Variants in CYTH3 observed in about 807,000 individuals in gnomAD.
The protein encoded by CYTH3 is cytohesin-3.
CYTH3 carries 23 observed loss-of-function variants against 55.1 expected under a neutral mutation model. The observed-to-expected ratio is 0.42, with a 90% CI of 0.30 to 0.59. The LOEUF is 0.59. Ranked by LOEUF, CYTH3 falls within the 20% of genes least tolerant of loss-of-function variation. The pLI, the probability that CYTH3 is intolerant of heterozygous loss-of-function variation, is 0.20. For missense variants in CYTH3, 413 were observed against 524.8 expected, an observed-to-expected ratio of 0.79 and a Z score of 2.08; for synonymous variants, 249 against 194.9, an observed-to-expected ratio of 1.28 and a Z score of -2.31.
intron 1 of CYTH3, among the ~76,000 whole-genome samples, chr7:6,219,749 A>G (rs1784511259): frequency 6.6e-6 from 1 of 152,192 alleles, no homozygotes; most frequent in African/African-American, 2.4e-5. Context: ...ACTAGCTTGG[A>G]ATGAAAAAGA....
In CYTH3 at chr7:6,173,431, A is replaced by G. The variant is rs778462555; in HGVS notation, c.449+222T>C. On this transcript the variant is annotated intron_variant, in intron 6 of 12. Coordinates refer to ENST00000350796, the MANE Select transcript of CYTH3 (RefSeq NM_004227.4). ...GAATGGAAGGAGCATCAGCGGCCACAGTGAGGAAAGCACGGCCCTTATCTT... is the reference window on the plus strand; with the variant it reads ...GAATGGAAGGAGCATCAGCGGCCACGGTGAGGAAAGCACGGCCCTTATCTT... Among the ~76,000 whole-genome samples, 13 of 152,364 alleles carry G rather than the reference A, an allele frequency of 8.5e-5. No individual in the cohort carries two copies. The Middle Eastern group carries it at 0.031, about 359-fold the overall frequency.
intron 1 of CYTH3, among the ~76,000 whole-genome samples, chr7:6,193,735 C>G (rs1783856998): frequency 6.6e-6 from 1 of 152,162 alleles, no homozygotes; most frequent in African/African-American, 2.4e-5. Flanking sequence ...CCTCTTCTCT[C>G]CCACGCCACG....
rs1047711941 is a variant in CYTH3 at position 6,169,595 on chromosome 7, C to T, written c.823+940G>A. Reference sequence around the variant, plus strand: ...GGCCGCCTGCTCTCAGAAAGGCTTGCGTGAACCCAGCTACCGCATCTCGCC... The same window carrying T: ...GGCCGCCTGCTCTCAGAAAGGCTTGTGTGAACCCAGCTACCGCATCTCGCC... On this transcript the variant is annotated intron_variant, in intron 9 of 12. Transcript: ENST00000350796. This position sits in a 1 kb window ranked among gnomAD's most constrained non-coding sequence, Gnocchi z 4.1. Among the ~76,000 whole-genome samples the T allele has an allele frequency of 2.6e-5, 4 of 152,166 alleles. No individual in the cohort carries two copies. Among genetic ancestry groups the T allele is most frequent in the Non-Finnish European group, 5.9e-5 (4 of 68,038 alleles).
chr7:6,263,773 G>T (rs530682724), intron 1 of CYTH3, among the ~76,000 whole-genome samples: 1 of 151,456 alleles, frequency 6.6e-6, no homozygotes, highest in South Asian at 2.1e-4. Context: ...ACTCCAGCCT[G>T]GGAAACAGAG....
chr7:6,227,291 T>C (rs1779279552), intron 1 of CYTH3, among the ~76,000 whole-genome samples: 1 of 151,978 alleles, frequency 6.6e-6, no homozygotes, highest in African/African-American at 2.4e-5. Context: ...GGTTGTAAAG[T>C]TAGCATTTTG....
intron 5 of CYTH3, among the ~76,000 whole-genome samples, chr7:6,177,604 G>A (rs1424554642): frequency 1.3e-5 from 2 of 152,256 alleles, no homozygotes; most frequent in African/African-American, 4.8e-5. Flanking sequence ...GGAGTCCCAG[G>A]ATCCCATAAT....
rs1230921435 is a variant in CYTH3 at position 6,163,497 on chromosome 7, C to G, written c.*1447G>C. Reference sequence around the variant, plus strand: ...ACAGAGAACAGCGTCTGCCACCGGCCCGGGTCGGCCCAAGCACACAATGCC... The same window carrying G: ...ACAGAGAACAGCGTCTGCCACCGGCGCGGGTCGGCCCAAGCACACAATGCC... On this transcript the variant is annotated 3_prime_UTR_variant, in exon 13 of 13. Coordinates refer to ENST00000350796, the MANE Select transcript of CYTH3 (RefSeq NM_004227.4). The G allele has an allele frequency of 6.6e-6, 1 of 152,482 alleles. No individual in the cohort carries two copies. Among genetic ancestry groups the G allele is most frequent in the Non-Finnish European group, 1.5e-5 (1 of 68,256 alleles). 9.4% of individuals were successfully genotyped at this position (152,482 alleles called of 1,614,324 possible).
intron 1 of CYTH3, among the ~76,000 whole-genome samples, chr7:6,214,582 G>A (rs748452732): frequency 1.3e-5 from 2 of 152,100 alleles, no homozygotes; most frequent in Non-Finnish European, 2.9e-5. Context: ...ATGAGAGCTG[G>A]TACCTAAGAG....
chr7:6,259,795 ATATATATATATATATATAAT>A (rs1780277880), intron 1 of CYTH3, among the ~76,000 whole-genome samples: 4 of 14,644 alleles, frequency 2.7e-4, no homozygotes, highest in African/African-American at 6.1e-4. Context: ...ATATATATAT[ATATATATATATATATATAAT>A]ATATATATAT....
At chr7:6,176,166 C>T (rs777584813) in intron 5 of CYTH3, among the ~76,000 whole-genome samples, 1 of 147,008 alleles carries the variant, frequency 6.8e-6, no homozygotes, top group South Asian at 2.2e-4. Context: ...TCCTAAGTAT[C>T]TTATTCCTTT....
chr7:6,166,849 A>T (rs780621122), intron 9 of CYTH3, among the ~76,000 whole-genome samples: 1 of 152,118 alleles, frequency 6.6e-6, no homozygotes, highest in Non-Finnish European at 1.5e-5. Context: ...GCCAGCCTGG[A>T]ACAGGAGCCC....
At chr7:6,211,396 T>A (rs1784316255) in intron 1 of CYTH3, among the ~76,000 whole-genome samples, 1 of 152,274 alleles carries the variant, frequency 6.6e-6, no homozygotes, top group African/African-American at 2.4e-5. Context: ...CTGCGGAGCC[T>A]GACTCCTGGC....
intron 4 of CYTH3, among the ~76,000 whole-genome samples, chr7:6,186,334 G>T (rs139137906): frequency 6.6e-6 from 1 of 150,726 alleles, no homozygotes; most frequent in African/African-American, 2.4e-5. Context: ...CCGTGGACAC[G>T]CCGTTCCTCT....
chr7:6,179,609 A>G (rs1783426333), intron 4 of CYTH3, among the ~76,000 whole-genome samples: 1 of 129,104 alleles, frequency 7.7e-6, no homozygotes, highest in South Asian at 2.4e-4. Context: ...CACACCACAC[A>G]CCACACACAC....
chr7:6,178,716 C>T (rs1296134935), intron 4 of CYTH3, among the ~76,000 whole-genome samples: 3 of 152,164 alleles, frequency 2.0e-5, no homozygotes, highest in African/African-American at 7.2e-5. Context: ...TTTCTATTAC[C>T]TGATGCCAAA....
chr7:6,218,357 TG>T (rs2128550822), intron 1 of CYTH3, among the ~76,000 whole-genome samples: 1 of 152,174 alleles, frequency 6.6e-6, no homozygotes, highest in African/African-American at 2.4e-5. Context: ...AGAGGGGTCA[TG>T]GACAAGGAAA....
At chr7:6,189,072 T>C (rs1157424202) in intron 2 of CYTH3, among the ~76,000 whole-genome samples, 1 of 152,198 alleles carries the variant, frequency 6.6e-6, no homozygotes, top group African/African-American at 2.4e-5. Context: ...TGACAATGAC[T>C]AGAAAGCTTC....
intron 1 of CYTH3, among the ~76,000 whole-genome samples, chr7:6,250,909 A>G (rs568520083): frequency 1.1e-4 from 17 of 152,374 alleles, no homozygotes; most frequent in African/African-American, 3.4e-4. Flanking sequence ...CGCTCCTGTA[A>G]TATTTCACTG....
Position 6,184,049 on chromosome 7 carries a change from C to CTTTTTTTTTTTTTTTTTT in CYTH3, c.249+2983_249+3000dup, listed in dbSNP as rs60634853. 4.3e-5 allele frequency among the ~76,000 whole-genome samples: 2 copies of CTTTTTTTTTTTTTTTTTT among 46,376 alleles called. 1 individual carries two copies. The highest frequency in any genetic ancestry group is 1.8e-4 in the African/African-American group (2 of 10,932). 30.4% of individuals were successfully genotyped at this position (46,376 alleles called of 152,430 possible). On this transcript the variant is annotated intron_variant, in intron 4 of 12. Transcript: ENST00000350796. Reference sequence around the variant, plus strand: ...CATTGTTTACGCACCCCCTCTGTGGCTTTTTTTTTTTTTTTTTTTTTTTTT... The same window carrying CTTTTTTTTTTTTTTTTTT: ...CATTGTTTACGCACCCCCTCTGTGGCTTTTTTTTTTTTTTTTTTTTTTTTTTTTTTTTTTTTTTTTTTT...
Sources: allele counts gnomAD v4.1 joint callset (sites outside exome capture counted in the v4.1 genomes callset), GRCh38; gene constraint gnomAD v4.1.1; non-coding constraint Gnocchi (gnomAD v3.1); transcripts MANE v1.5; gene names NCBI Gene and HGNC (gene_info 2026-07-23, HGNC 2026-07-21).